The following SLC30A8 variants were observed in gnomAD, a reference collection of about 807,000 sequenced individuals.
SLC30A8 encodes the protein proton-coupled zinc antiporter SLC30A8.
In SLC30A8, 27 loss-of-function variants were observed where a neutral mutation model predicts 36.9. The ratio of observed to expected loss-of-function variants is 0.73; its 90% CI spans 0.54 to 1.01. The LOEUF (loss-of-function observed/expected upper bound fraction) is 1.01, where lower values mean the gene tolerates loss of function less well. SLC30A8 is among the 50% of genes least tolerant of loss of function. The pLI, the probability that SLC30A8 is intolerant of heterozygous loss-of-function variation, is 0.00. For synonymous variants in SLC30A8, 164 were observed against 172.4 expected (o/e 0.95, Z 0.38); for missense variants, 439 against 452.0 (o/e 0.97, Z 0.26).
At chr8:117,010,276 C>T (rs562913533) in intron 1 of SLC30A8, among the ~76,000 whole-genome samples, 2 of 152,254 alleles carry the variant, frequency 1.3e-5, no homozygotes, top group African/African-American at 4.8e-5. Context: ...AGGGAGCTCC[C>T]TTTGTGGAGG....
At chr8:117,100,203 TTAG>T (rs1390166533) in intron 2 of SLC30A8, among the ~76,000 whole-genome samples, 1 of 152,186 alleles carries the variant, frequency 6.6e-6, no homozygotes, top group African/African-American at 2.4e-5. Context: ...TATATATCAT[TTAG>T]TATTTACAAA....
chr8:117,050,343 G>A (rs186941291), intron 2 of SLC30A8, among the ~76,000 whole-genome samples: 1 of 152,094 alleles, frequency 6.6e-6, no homozygotes, highest in Non-Finnish European at 1.5e-5. Flanking sequence ...ATGCAAATGA[G>A]GGGGAGCAAG....
intron 1 of SLC30A8, among the ~76,000 whole-genome samples, chr8:116,976,836 T>TTCTTTTCTTTTCTTTTC (rs1815045813): frequency 2.8e-5 from 4 of 141,656 alleles, no homozygotes; most frequent in Admixed American, 1.4e-4. Flanking sequence ...TTTTTTTTTT[T>TTCTTTTCTTTTCTTTTC]TTACAGAGTC....
At chr8:117,049,750 A>G (rs1421455532) in intron 2 of SLC30A8, among the ~76,000 whole-genome samples, 1 of 152,188 alleles carries the variant, frequency 6.6e-6, no homozygotes, top group East Asian at 1.9e-4. Flanking sequence ...CCCTGGCCCT[A>G]TTAGAAAATG....
At position 117,045,969 on chromosome 8, in the gene SLC30A8, A is replaced by G. The variant is rs898659875; in HGVS notation, c.-226+6711A>G. Among the ~76,000 whole-genome samples, 6 of 149,820 alleles carry G rather than the reference A, an allele frequency of 4.0e-5. No individual in the cohort carries two copies. In the East Asian group the frequency reaches 5.9e-4, roughly 15 times the overall value. ...CTTTCTTTTTTTTTTTAAAACTGACAGAAGAAAATATCCCATAGAATTAAA... is the reference window on the plus strand; with the variant it reads ...CTTTCTTTTTTTTTTTAAAACTGACGGAAGAAAATATCCCATAGAATTAAA... On this transcript the variant is annotated intron_variant, in intron 2 of 10. Coordinates refer to the SLC30A8 transcript ENST00000427715.
intron 6 of SLC30A8, among the ~76,000 whole-genome samples, chr8:117,169,050 T>A (rs537728304): frequency 6.6e-6 from 1 of 152,312 alleles, no homozygotes; most frequent in Admixed American, 6.5e-5. Context: ...AAGTTTGTTA[T>A]TATTATTATG....
rs1368675679 is a variant in SLC30A8, at chr8:117,077,815, A to T, written c.-226+38557A>T. 5.9e-5 allele frequency among the ~76,000 whole-genome samples: 9 copies of T among 152,250 alleles called. No individual in the cohort carries two copies. In the East Asian group the frequency reaches 1.7e-3, roughly 29 times the overall value. On this transcript the variant is annotated intron_variant, in intron 2 of 10. Transcript: ENST00000427715. ...TGTTCAGATTATTGGCAATCTTTCT[A>T]GAGCGAGTCAAAGAAGACTAGCTGT...
At chr8:117,161,062 T>G (rs928377271) in intron 4 of SLC30A8, among the ~76,000 whole-genome samples, 1 of 152,222 alleles carries the variant, frequency 6.6e-6, no homozygotes, top group East Asian at 1.9e-4. Context: ...CTGATCACTT[T>G]GACTCAGACA....
chr8:116,972,368 TATTAA>T (rs1814820240), intron 1 of SLC30A8, among the ~76,000 whole-genome samples: 1 of 152,204 alleles, frequency 6.6e-6, no homozygotes, highest in Non-Finnish European at 1.5e-5. Context: ...TGTGAACTCT[TATTAA>T]ATCGATGCAG....
At chr8:117,076,433 C>T (rs961499295) in intron 2 of SLC30A8, among the ~76,000 whole-genome samples, 9 of 151,914 alleles carry the variant, frequency 5.9e-5, no homozygotes, top group Admixed American at 2.6e-4. Context: ...TAAACTGCAG[C>T]GAATTTTGAG....
intron 1 of SLC30A8, chr8:117,039,088 A>T (rs1817305933): frequency 6.6e-6 from 1 of 152,226 alleles, no homozygotes; most frequent in African/African-American, 2.4e-5. Context: ...ATGATGATTT[A>T]TTCCTTTATC....
intron 2 of SLC30A8, among the ~76,000 whole-genome samples, chr8:117,051,941 G>C (rs748787465): frequency 2.6e-5 from 4 of 152,094 alleles, no homozygotes; most frequent in South Asian, 4.1e-4. Context: ...GCCTCCTAAG[G>C]CCTCACCAAA....
At chr8:116,969,387 A>C (rs1408972029) in intron 1 of SLC30A8, among the ~76,000 whole-genome samples, 1 of 152,156 alleles carries the variant, frequency 6.6e-6, no homozygotes, top group African/African-American at 2.4e-5. Flanking sequence ...CACTGCACAA[A>C]CTTGGGCAAG....
At chr8:117,085,964 G>A (rs1022683568) in intron 2 of SLC30A8, among the ~76,000 whole-genome samples, 2 of 152,168 alleles carry the variant, frequency 1.3e-5, no homozygotes, top group African/African-American at 4.8e-5. Flanking sequence ...TTGGATAAGG[G>A]ATGATGGATA....
intron 1 of SLC30A8, among the ~76,000 whole-genome samples, chr8:116,993,454 T>C (rs1815714304): frequency 6.6e-6 from 1 of 152,088 alleles, no homozygotes; most frequent in African/African-American, 2.4e-5. Flanking sequence ...TCAAAGCATC[T>C]ACAATGTCTA....
intron 1 of SLC30A8, among the ~76,000 whole-genome samples, chr8:117,015,542 C>T (rs765402351): frequency 1.3e-5 from 2 of 151,802 alleles, no homozygotes; most frequent in Non-Finnish European, 2.9e-5. Flanking sequence ...ATGCACCCCC[C>T]CCCCCCAAAA....
At chr8:117,045,818 A>G (rs1299903244) in intron 2 of SLC30A8, among the ~76,000 whole-genome samples, 1 of 152,032 alleles carries the variant, frequency 6.6e-6, no homozygotes, top group African/African-American at 2.4e-5. Flanking sequence ...ATCTGAACTT[A>G]CCGACCTCTT....
intron 1 of SLC30A8, among the ~76,000 whole-genome samples, chr8:117,018,555 G>A (rs1263918138): frequency 1.3e-5 from 2 of 151,964 alleles, no homozygotes; most frequent in Admixed American, 1.3e-4. Flanking sequence ...GTGTTGGATA[G>A]CACCACTGTG....
chr8:117,169,861 C>T (rs1266476007), intron 6 of SLC30A8, among the ~76,000 whole-genome samples: 1 of 152,158 alleles, frequency 6.6e-6, no homozygotes, highest in Admixed American at 6.5e-5. Context: ...GACCCAAACA[C>T]CTCCCACCAG....
Sources: allele counts gnomAD v4.1 joint callset (sites outside exome capture counted in the v4.1 genomes callset), GRCh38; gene constraint gnomAD v4.1.1; transcripts MANE v1.5; gene names NCBI Gene and HGNC (gene_info 2026-07-23, HGNC 2026-07-21).